The following SCN4A variants were observed in gnomAD, a reference collection of about 807,000 sequenced individuals.
The protein encoded by SCN4A is sodium voltage-gated channel alpha subunit 4.
A neutral mutation model predicts 162.0 loss-of-function variants in SCN4A; 83 were observed. That is an observed-to-expected ratio of 0.51 (90% CI 0.43 to 0.61). The LOEUF (loss-of-function observed/expected upper bound fraction) is 0.61. Among genes scored for constraint, SCN4A ranks in the 20% least tolerant of loss-of-function variants. The probability of loss-of-function intolerance (pLI) is 0.00; values close to 1 mark genes in which losing one functional copy is unlikely to be tolerated. For synonymous variants in SCN4A, 944 were observed against 985.1 expected, an observed-to-expected ratio of 0.96 and a Z score of 0.78; for missense variants, 2,196 against 2,462.5, an observed-to-expected ratio of 0.89 and a Z score of 2.29.
chr17:63,972,511 A>G lies in SCN4A; in HGVS notation c.274-41T>C, dbSNP rs1300632784. On this transcript the variant is annotated intron_variant, in intron 1 of 23. Coordinates refer to ENST00000435607, the MANE Select transcript of SCN4A (RefSeq NM_000334.4). The surrounding 1 kb of genome is among the most constrained non-coding windows in gnomAD (Gnocchi z 4.3). ...GGCTGTGAGACCCAGGGACAGACAG[A>G]CAGGCAGACAGATGGATGGATGGCA... The G allele has an allele frequency of 6.2e-7, 1 of 1,606,892 alleles. No homozygotes were observed. The highest frequency in any genetic ancestry group is 1.1e-5 in the South Asian group (1 of 90,026).
At chr17:63,971,686 AC>A in intron 4 of SCN4A, 35 bp downstream of exon 4, 1 of 1,548,964 alleles carries the variant, frequency 6.5e-7, no homozygotes, top group Non-Finnish European at 8.7e-7. Context: ...CCCCTCACCC[AC>A]CCCAGCCTCA....
chr17:63,971,946 A>G, intron 3 of SCN4A, 96 bp from the exon 4 acceptor site: 9 of 1,378,332 alleles, frequency 6.5e-6, no homozygotes, highest in Non-Finnish European at 9.2e-6. Flanking sequence ...ACAGAAATGA[A>G]ATATGCCACT....
At position 63,953,125 on chromosome 17, in the gene SCN4A, C is replaced by A. The variant is rs1458868753; in HGVS notation, c.2377-1225G>T. Among the ~76,000 whole-genome samples, 3 of 152,306 alleles carry A rather than the reference C, an allele frequency of 2.0e-5. No homozygotes were observed. The East Asian group carries it at 5.8e-4, about 29-fold the overall frequency. ...CCTATAATCCCAGCACTTTGGGAGG[C>A]TGGGGCAGGCGGATCACGAGGTCAG... On this transcript the variant is annotated intron_variant, in intron 13 of 23. Transcript: ENST00000435607.
intron 16 of SCN4A, 39 bp from the exon 17 acceptor site, chr17:63,948,102 C>A: frequency 1.3e-6 from 2 of 1,553,552 alleles, no homozygotes; most frequent in Non-Finnish European, 1.8e-6. Flanking sequence ...TGGGGTCCAG[C>A]AGGCTGGGGT....
intron 14 of SCN4A, 93 bp from the exon 15 acceptor site, chr17:63,949,621 AG>A: frequency 7.1e-7 from 1 of 1,405,358 alleles, no homozygotes; most frequent in African/African-American, 1.4e-5. Context: ...CCAGAAGGGA[AG>A]GGAAGAAGAG....
chr17:63,963,967 G>A, intron 9 of SCN4A, 142 bp from the exon 10 acceptor site: 1 of 763,866 alleles, frequency 1.3e-6, no homozygotes, highest in Non-Finnish European at 2.0e-6. Context: ...GCAGGTGGGG[G>A]AGGGACCAAC....
chr17:63,961,503 T>TCCC (rs1294781703), intron 10 of SCN4A, 72 bp from the exon 11 acceptor site: 1 of 1,134,510 alleles, frequency 8.8e-7, no homozygotes, highest in Non-Finnish European at 1.3e-6. Context: ...AGCTAGAGCT[T>TCCC]TTGTTCCACC....
In SCN4A at chr17:63,941,550, A is replaced by T; in HGVS notation, c.4732T>A (p.Phe1578Ile). The T allele has an allele frequency of 6.2e-7, 1 of 1,614,102 alleles. No homozygotes were observed. The highest frequency in any genetic ancestry group is 8.5e-7 in the Non-Finnish European group (1 of 1,180,022). Reference protein sequence around the residue: ...CGNPSIGICFFCSYIIISFLI... With the variant: ...CGNPSIGICFICSYIIISFLI... Reference sequence around the variant, plus strand: ...AAGGAGATGATGATATAGCTGCAGAAGAAGCAGATGCCGATGGAGGGGTTG... The same window carrying T: ...AAGGAGATGATGATATAGCTGCAGATGAAGCAGATGCCGATGGAGGGGTTG... Residue 1578 changes from phenylalanine to isoleucine, a missense_variant, in exon 24 of 24, where the codon TTC becomes ATC. By Grantham distance (21) the Phe-to-Ile change is conservative. Coordinates refer to ENST00000435607, the MANE Select transcript of SCN4A (RefSeq NM_000334.4). This position sits in a 1 kb window ranked among gnomAD's most constrained non-coding sequence, Gnocchi z 6.2.
chr17:63,947,939 T>C lies in SCN4A; in HGVS notation c.3269A>G (p.Lys1090Arg). ...GCACCAGGCGTTGGTGAAGTACACC[T>C]TAAAGCCGTAGGCCACCCATTTGAG... ...MLLKWVAYGFKVYFTNAWCWL... is the reference protein window; with the variant it reads ...MLLKWVAYGFRVYFTNAWCWL... Residue 1090 changes from lysine to arginine, a missense_variant, in exon 17 of 24, where the codon AAG (lysine) becomes AGG (arginine). By Grantham distance (26) the Lys-to-Arg change is conservative (BLOSUM62 2). Coordinates refer to ENST00000435607, the MANE Select transcript of SCN4A (RefSeq NM_000334.4). 1 of 1,613,996 alleles carries C rather than the reference T, an allele frequency of 6.2e-7. No individual in the cohort carries two copies. Among genetic ancestry groups the C allele is most frequent in the Non-Finnish European group, 8.5e-7 (1 of 1,179,892 alleles).
Position 63,968,215 on chromosome 17 carries a change from GCA to G in SCN4A, c.842_843del (p.Val281AlafsTer17), listed in dbSNP as rs772788036. On this transcript the variant is annotated frameshift_variant, in exon 6 of 24. Coordinates refer to ENST00000435607, the MANE Select transcript of SCN4A (RefSeq NM_000334.4). LOFTEE classifies it high-confidence loss of function. ...LFMGNLRQKCVRWPPPFNDTN... is the reference protein window; with the variant it reads ...LFMGNLRQKCXRWPPPFNDTN... ...GTGTCGTTGAACGGCGGGGGCCAGCGCACACACTTCTGCCTCAGGTTTCCCAT... is the reference window on the plus strand; with the variant it reads ...GTGTCGTTGAACGGCGGGGGCCAGCGCACACTTCTGCCTCAGGTTTCCCAT... 6.2e-7 allele frequency: 1 copy of G among 1,613,986 alleles called. No homozygotes were observed. Among genetic ancestry groups the G allele is most frequent in the Non-Finnish European group, 8.5e-7 (1 of 1,179,904 alleles).
chr17:63,953,141 A>G (rs1053049427), intron 13 of SCN4A, among the ~76,000 whole-genome samples: 3 of 152,206 alleles, frequency 2.0e-5, no homozygotes, highest in African/African-American at 7.2e-5. Flanking sequence ...CAGGCGGATC[A>G]CGAGGTCAGG....
chr17:63,946,462 G>GCCCCCCCCCCC lies in SCN4A; in HGVS notation c.3441+572_3441+582dup, dbSNP rs374261223. Among the ~76,000 whole-genome samples the GCCCCCCCCCCC allele has an allele frequency of 1.6e-3, 168 of 106,664 alleles. 12 individuals are homozygous for GCCCCCCCCCCC. Among genetic ancestry groups the GCCCCCCCCCCC allele is most frequent in the African/African-American group, 4.2e-3 (95 of 22,858 alleles). The allele number at this position is 106,664 out of a possible 152,430, so 70.0% of individuals were successfully genotyped here. On this transcript the variant is annotated intron_variant, in intron 18 of 23. Coordinates refer to ENST00000435607, the MANE Select transcript of SCN4A (RefSeq NM_000334.4). The stretch of plus-strand genomic sequence containing the variant: ...TTCCTGGGGAAGTCCCATTTTTCTT[G>GCCCCCCCCCCC]CCCCCCCCCCCACCCCGCCGCAACC...
chr17:63,959,189 C>T, intron 12 of SCN4A, 76 bp downstream of exon 12: 1 of 1,377,844 alleles, frequency 7.3e-7, no homozygotes, highest in Non-Finnish European at 1.0e-6. Context: ...GTTTCTCCTC[C>T]CATCCCTGTG....
intron 13 of SCN4A, among the ~76,000 whole-genome samples, chr17:63,953,932 TTAATGTGGTCACCCTTCCTTC>T (rs1908993670): frequency 1.3e-5 from 2 of 152,270 alleles, no homozygotes; most frequent in South Asian, 4.1e-4. Flanking sequence ...CTGAAGGTCT[TTAATGTGGTCACCCTTCCTTC>T]TACCAGTCTG....
At chr17:63,970,199 C>G (rs1597986580) in intron 5 of SCN4A, among the ~76,000 whole-genome samples, 1 of 152,134 alleles carries the variant, frequency 6.6e-6, no homozygotes, top group South Asian at 2.1e-4. Flanking sequence ...CCTCATGGAG[C>G]CTTTTTGTGT....
chr17:63,956,223 T>C (rs1219181573), intron 13 of SCN4A, among the ~76,000 whole-genome samples: 2 of 152,228 alleles, frequency 1.3e-5, no homozygotes, highest in Non-Finnish European at 2.9e-5. Context: ...CTCTGCATTT[T>C]CCCAATATCT....
intron 6 of SCN4A, 92 bp from the exon 7 acceptor site, chr17:63,966,636 C>T (rs138647567): frequency 2.4e-4 from 220 of 926,712 alleles, no homozygotes; most frequent in East Asian, 1.7e-3. Context: ...GACAGGTCTG[C>T]GCGTACCACA....
chr17:63,941,247 T>A lies in SCN4A; in HGVS notation c.5035A>T (p.Ile1679Phe). 1 of 1,613,776 alleles carries A rather than the reference T, an allele frequency of 6.2e-7. No homozygotes were observed. The highest frequency in any genetic ancestry group is 8.5e-7 in the Non-Finnish European group (1 of 1,179,830). Reference protein sequence around the residue: ...VPGDKIHCLDILFALTKEVLG... With the variant: ...VPGDKIHCLDFLFALTKEVLG... ...ACCTCTTTGGTCAGGGCAAAGAGGA[T>A]GTCCAGGCAGTGGATCTTGTCCCCT... Residue 1679 changes from isoleucine to phenylalanine, a missense_variant, in exon 24 of 24, where the codon ATC (isoleucine) becomes TTC (phenylalanine). Coordinates refer to ENST00000435607, the MANE Select transcript of SCN4A (RefSeq NM_000334.4). This position sits in a 1 kb window ranked among gnomAD's most constrained non-coding sequence, Gnocchi z 6.2.
Position 63,961,196 on chromosome 17 carries a change from G to T in SCN4A, c.1842C>A (p.Asn614Lys). The T allele has an allele frequency of 1.4e-6, 2 of 1,445,286 alleles. No homozygotes were observed. Among genetic ancestry groups the T allele is most frequent in the Non-Finnish European group, 1.9e-6 (2 of 1,052,632 alleles). The allele number at this position is 1,445,286 out of a possible 1,614,324, so 89.5% of individuals were successfully genotyped here. ...EHFDNVLTVG[N>K]LVFTGIFTAE... ...CCCCTCCCCCGCCCCTCCCTACCAG[G>T]TTGCCCACAGTGAGCACGTTGTCAA... is the stretch of plus-strand genomic sequence containing the variant. The change falls in exon 11 of 24, where the codon AAC becomes AAA. Residue 614 changes from asparagine (N) to lysine (K), a missense_variant. Transcript: ENST00000435607.
Sources: allele counts gnomAD v4.1 joint callset (sites outside exome capture counted in the v4.1 genomes callset), GRCh38; gene constraint gnomAD v4.1.1; non-coding constraint Gnocchi (gnomAD v3.1); transcripts MANE v1.5; gene names NCBI Gene and HGNC (gene_info 2026-07-23, HGNC 2026-07-21).